RBM18: variants seen among roughly 807,000 people sequenced by gnomAD.
The protein encoded by RBM18 is RNA binding motif protein 18, also known as probable RNA-binding protein 18.
A neutral mutation model predicts 26.4 loss-of-function variants in RBM18; 18 were observed. The ratio of observed to expected loss-of-function variants is 0.68; its 90% CI spans 0.47 to 1.01. The LOEUF (loss-of-function observed/expected upper bound fraction) is 1.01. RBM18 is among the 50% of genes least tolerant of loss of function. The probability of loss-of-function intolerance (pLI) is 0.00; values close to 1 mark genes in which losing one functional copy is unlikely to be tolerated. For synonymous variants in RBM18, 74 were observed against 81.1 expected, an observed-to-expected ratio of 0.91 and a Z score of 0.47; for missense variants, 180 against 219.2, an observed-to-expected ratio of 0.82 and a Z score of 1.13.
chr9:122,243,456 A>G (rs1446529086), intron 5 of RBM18, among the ~76,000 whole-genome samples: 1 of 152,228 alleles, frequency 6.6e-6, no homozygotes, highest in Non-Finnish European at 1.5e-5. Flanking sequence ...AGAGCTGAAT[A>G]GTCCTATATT....
intron 5 of RBM18, chr9:122,243,813 A>G: frequency 1.0e-6 from 1 of 985,286 alleles, no homozygotes; most frequent in Non-Finnish European, 1.2e-6. Context: ...GTCACAGGGA[A>G]GCAACCTTCT....
At chr9:122,252,710 C>T (rs1831624148) in intron 2 of RBM18, among the ~76,000 whole-genome samples, 1 of 152,222 alleles carries the variant, frequency 6.6e-6, no homozygotes, top group Non-Finnish European at 1.5e-5. Flanking sequence ...CCTCAGTTGC[C>T]TTAAAACAGT....
chr9:122,242,624 G>A (rs571333510), intron 5 of RBM18, among the ~76,000 whole-genome samples: 1 of 150,130 alleles, frequency 6.7e-6, no homozygotes, highest in East Asian at 1.9e-4. Context: ...TTTACAAAGT[G>A]CTTACAATGA....
chr9:122,241,630 A>G lies in RBM18; in HGVS notation c.*254T>C, dbSNP rs1462797733. On this transcript the variant is annotated 3_prime_UTR_variant, in exon 6 of 6. Transcript: ENST00000417201. ...TTTCTGGAGTTACAAATCCAAACCA[A>G]CCAGCCAATTAGAGCATCCCAGGGT... 1 of 353,080 alleles carries G rather than the reference A, an allele frequency of 2.8e-6. No individual in the cohort carries two copies. Among genetic ancestry groups the G allele is most frequent in the Non-Finnish European group, 5.1e-6 (1 of 196,550 alleles). The allele number at this position is 353,080 out of a possible 1,614,324, so 21.9% of individuals were successfully genotyped here. A position where few individuals can be genotyped will look rare whatever the true frequency, so the allele number is the denominator to read the frequency against.
At chr9:122,261,809 A>G (rs1831800935) in intron 1 of RBM18, among the ~76,000 whole-genome samples, 1 of 152,226 alleles carries the variant, frequency 6.6e-6, no homozygotes, top group African/African-American at 2.4e-5. Flanking sequence ...CTCTATTACT[A>G]CATGATACTT....
chr9:122,251,780 G>C, intron 3 of RBM18, 67 bp downstream of exon 3: 2 of 1,481,510 alleles, frequency 1.3e-6, no homozygotes, highest in Non-Finnish European at 1.9e-6. Context: ...TAGTAGGCAA[G>C]AGACATGCAC....
At chr9:122,242,552 A>C (rs1831437598) in intron 5 of RBM18, among the ~76,000 whole-genome samples, 1 of 152,244 alleles carries the variant, frequency 6.6e-6, no homozygotes, top group African/African-American at 2.4e-5. Context: ...TGGAAAAAAA[A>C]CATTCTGGAA....
chr9:122,260,862 A>G (rs1009666596), intron 2 of RBM18, among the ~76,000 whole-genome samples: 1 of 152,220 alleles, frequency 6.6e-6, no homozygotes, highest in Non-Finnish European at 1.5e-5. Flanking sequence ...ACTGCTTAGC[A>G]TGGCACTTGG....
At chr9:122,258,708 T>G (rs1831737281) in intron 2 of RBM18, among the ~76,000 whole-genome samples, 1 of 151,798 alleles carries the variant, frequency 6.6e-6, no homozygotes, top group Non-Finnish European at 1.5e-5. Context: ...GGGAGGCTGA[T>G]CAGGAGGATT....
chr9:122,263,813 T>C (rs1050438494), intron 1 of RBM18, among the ~76,000 whole-genome samples: 10 of 152,194 alleles, frequency 6.6e-5, no homozygotes, highest in Admixed American at 4.6e-4. Flanking sequence ...AAAGGTACCA[T>C]GTTTTACTGG....
At chr9:122,247,735 GT>G in intron 3 of RBM18, 131 bp from the exon 4 acceptor site, 1 of 648,004 alleles carries the variant, frequency 1.5e-6, no homozygotes, top group Non-Finnish European at 2.7e-6. Context: ...ACTGGCAAGG[GT>G]TTACAATTTT....
intron 2 of RBM18, among the ~76,000 whole-genome samples, chr9:122,257,528 A>T (rs1212869858): frequency 1.3e-5 from 2 of 152,196 alleles, no homozygotes; most frequent in African/African-American, 4.8e-5. Context: ...TCATAAACGC[A>T]TATTCTGTTG....
At chr9:122,250,341 T>C (rs374484881) in intron 3 of RBM18, among the ~76,000 whole-genome samples, 1 of 152,176 alleles carries the variant, frequency 6.6e-6, no homozygotes, top group Admixed American at 6.6e-5. Context: ...TCTCCCCAAA[T>C]GTGGCAGATA....
intron 3 of RBM18, among the ~76,000 whole-genome samples, chr9:122,248,712 C>T (rs1354165768): frequency 2.6e-5 from 4 of 152,216 alleles, no homozygotes; most frequent in African/African-American, 9.6e-5. Flanking sequence ...GCCAAACCTT[C>T]TTTGCCCCAT....
rs573021726 is a variant in RBM18, at chr9:122,263,930, A to G, written c.-17+785T>C. Reference sequence around the variant, plus strand: ...TTTCTTTAAGCATCCTCTCGATAGAAAAGCTTTCCTAAACAGAGTTCCTTG... The same window carrying G: ...TTTCTTTAAGCATCCTCTCGATAGAGAAGCTTTCCTAAACAGAGTTCCTTG... On this transcript the variant is annotated intron_variant, in intron 1 of 5. Transcript: ENST00000417201. 1.3e-4 allele frequency among the ~76,000 whole-genome samples: 20 copies of G among 152,354 alleles called. No individual in the cohort carries two copies. In the South Asian group the frequency reaches 4.1e-3, roughly 32 times the overall value.
chr9:122,242,722 A>G (rs1432950785), intron 5 of RBM18, among the ~76,000 whole-genome samples: 1 of 151,638 alleles, frequency 6.6e-6, no homozygotes, highest in Admixed American at 6.6e-5. Context: ...CAGTGGTGCC[A>G]TCATAGCTTA....
chr9:122,243,295 G>C (rs940225257), intron 5 of RBM18, among the ~76,000 whole-genome samples: 6 of 152,144 alleles, frequency 3.9e-5, no homozygotes, highest in African/African-American at 1.4e-4. Context: ...TTTAATCCTT[G>C]CAATGGCTCT....
At chr9:122,258,258 G>A (rs1490374398) in intron 2 of RBM18, among the ~76,000 whole-genome samples, 1 of 151,886 alleles carries the variant, frequency 6.6e-6, no homozygotes, top group Non-Finnish European at 1.5e-5. Context: ...ATGATTGGTA[G>A]TTCTTTCTTT....
intron 5 of RBM18, among the ~76,000 whole-genome samples, chr9:122,242,699 C>G (rs1831441720): frequency 6.6e-6 from 1 of 151,632 alleles, no homozygotes; most frequent in African/African-American, 2.4e-5. Flanking sequence ...GTTCTGCCAC[C>G]AAGGCTGTAA....
Sources: allele counts gnomAD v4.1 joint callset (sites outside exome capture counted in the v4.1 genomes callset), GRCh38; gene constraint gnomAD v4.1.1; transcripts MANE v1.5; gene names NCBI Gene and HGNC (gene_info 2026-07-23, HGNC 2026-07-21).